FANCM: variants seen among roughly 807,000 people sequenced by gnomAD.
FANCM encodes FA complementation group M.
Under a neutral mutation model 199.5 loss-of-function variants are expected in FANCM, and 140 were observed. That is an observed-to-expected ratio of 0.70 (90% confidence interval 0.61 to 0.81). FANCM has a LOEUF of 0.81. Among genes scored for constraint, FANCM ranks in the 30% least tolerant of loss-of-function variants. The pLI is 0.00. For synonymous variants in FANCM, 840 were observed against 836.8 expected (o/e 1.00, Z -0.07); for missense variants, 2,410 against 2,421.4 (o/e 1.00, Z 0.10).
At position 45,154,775 on chromosome 14, in the gene FANCM, C is replaced by G; in HGVS notation, c.1262C>G (p.Ala421Gly). 1 of 1,603,486 alleles carries G rather than the reference C, an allele frequency of 6.2e-7. No individual in the cohort carries two copies. The highest frequency in any genetic ancestry group is 1.1e-5 in the South Asian group (1 of 90,256). Reference protein sequence around the residue: ...KLYNHLECMFARTRSTSANGI... With the variant: ...KLYNHLECMFGRTRSTSANGI... ...TATAATCATCTAGAGTGTATGTTTGCACGTACACGTAGTACTTCAGCAAAT... is the reference window on the plus strand; with the variant it reads ...TATAATCATCTAGAGTGTATGTTTGGACGTACACGTAGTACTTCAGCAAAT... Residue 421 changes from alanine to glycine, a missense_variant, in exon 7 of 23, where the codon GCA becomes GGA. By Grantham distance (60) the Ala-to-Gly change is moderately conservative. Transcript: ENST00000267430.
chr14:45,137,391 T>C, intron 2 of FANCM, 150 bp downstream of exon 2: 1 of 653,046 alleles, frequency 1.5e-6, no homozygotes, highest in East Asian at 2.7e-5. Flanking sequence ...ATAAAGAATA[T>C]CTGTACTTTC....
At chr14:45,194,812 CTTTT>C (rs893058010) in intron 20 of FANCM, among the ~76,000 whole-genome samples, 2 of 135,694 alleles carry the variant, frequency 1.5e-5, no homozygotes, top group Non-Finnish European at 3.2e-5. Context: ...TAGGTTGTGC[CTTTT>C]TTTTTTTTTT....
At chr14:45,178,613 T>C (rs1888862171) in intron 14 of FANCM, among the ~76,000 whole-genome samples, 1 of 152,224 alleles carries the variant, frequency 6.6e-6, no homozygotes, top group South Asian at 2.1e-4. Flanking sequence ...TTGGTTACTA[T>C]AGCCGAGTCC....
chr14:45,143,687 A>C lies in FANCM; in HGVS notation c.759+2978A>C, dbSNP rs1169072026. The stretch of plus-strand genomic sequence containing the variant: ...TCTGAACGGTCTTCCATATTGAGTA[A>C]GGATTTTTTTTTTTTTTTTTTTTTG... On this transcript the variant is annotated intron_variant, in intron 3 of 22. Coordinates refer to ENST00000267430, the MANE Select transcript of FANCM (RefSeq NM_020937.4). Among the ~76,000 whole-genome samples the C allele has an allele frequency of 1.4e-5, 2 of 147,324 alleles. 1 individual carries two copies. Among genetic ancestry groups the C allele is most frequent in the South Asian group, 4.2e-4 (2 of 4,770 alleles).
chr14:45,147,724 C>T (rs1391877046), intron 3 of FANCM, among the ~76,000 whole-genome samples: 2 of 151,604 alleles, frequency 1.3e-5, no homozygotes, highest in Non-Finnish European at 2.9e-5. Context: ...GAAACCCCAT[C>T]TGTACCCAAA....
intron 20 of FANCM, among the ~76,000 whole-genome samples, chr14:45,193,572 A>G (rs1459659096): frequency 6.6e-6 from 1 of 152,236 alleles, no homozygotes; most frequent in East Asian, 1.9e-4. Context: ...TTAATGATAT[A>G]AAAGTCCAGC....
chr14:45,176,812 TAAGAA>T lies in FANCM; in HGVS notation c.4060_4064del (p.Arg1354GlyfsTer4). ...AACACATTGAACTCATTTTCTAAGATAAGAAAGGAAATACTTAAGACACCAGATTC... is the reference window on the plus strand; with the variant it reads ...AACACATTGAACTCATTTTCTAAGATAGGAAATACTTAAGACACCAGATTC... On this transcript the variant is annotated frameshift_variant, in exon 14 of 23. Transcript: ENST00000267430. LOFTEE classifies it high-confidence loss of function. The T allele has an allele frequency of 8.1e-6, 13 of 1,606,796 alleles. No homozygotes were observed. Among genetic ancestry groups the T allele is most frequent in the Non-Finnish European group, 1.1e-5 (13 of 1,176,602 alleles).
At chr14:45,177,514 C>A (rs1254009315) in intron 14 of FANCM, among the ~76,000 whole-genome samples, 1 of 152,080 alleles carries the variant, frequency 6.6e-6, no homozygotes, top group African/African-American at 2.4e-5. Context: ...GCCTCAGCCT[C>A]CCAAGTAGCT....
In FANCM at chr14:45,176,799, T is replaced by C; in HGVS notation, c.4045T>C (p.Ser1349Pro). 2 of 1,607,016 alleles carry C rather than the reference T, an allele frequency of 1.2e-6. No individual in the cohort carries two copies. Among genetic ancestry groups the C allele is most frequent in the Non-Finnish European group, 8.5e-7 (1 of 1,176,748 alleles). ...ACTCTCTAAATCAAACACATTGAAC[T>C]CATTTTCTAAGATAAGAAAGGAAAT... ...TPLSKSNTLNSFSKIRKEILK... is the reference protein window; with the variant it reads ...TPLSKSNTLNPFSKIRKEILK... The change falls in exon 14 of 23, where the codon TCA becomes CCA. Residue 1349 changes from serine (S) to proline (P), a missense_variant. Physicochemically the swap from Ser to Pro is moderately conservative, Grantham distance 74. Coordinates refer to ENST00000267430, the MANE Select transcript of FANCM (RefSeq NM_020937.4).
At chr14:45,164,663 C>G (rs1887840819) in intron 10 of FANCM, 98 bp downstream of exon 10, 1 of 947,236 alleles carries the variant, frequency 1.1e-6, no homozygotes, top group African/African-American at 1.6e-5. Context: ...TCCAAACACT[C>G]TGTAGATAGT....
chr14:45,195,989 C>T (rs1890033245), intron 20 of FANCM, among the ~76,000 whole-genome samples, 183 bp from the exon 21 acceptor site: 1 of 151,914 alleles, frequency 6.6e-6, no homozygotes, highest in African/African-American at 2.4e-5. Flanking sequence ...TTAATTATAG[C>T]TTTAGAATTT....
At chr14:45,141,113 C>T (rs531912726) in intron 3 of FANCM, among the ~76,000 whole-genome samples, 35 of 151,864 alleles carry the variant, frequency 2.3e-4, no homozygotes, top group African/African-American at 8.2e-4. Context: ...ACGGTGAAAC[C>T]CGGTGTCTAC....
chr14:45,175,573 A>C lies in FANCM; in HGVS notation c.2819A>C (p.Asn940Thr). Reference protein sequence around the residue: ...TNKSTSSLAGNVLDSGYNSFN... With the variant: ...TNKSTSSLAGTVLDSGYNSFN... The stretch of plus-strand genomic sequence containing the variant: ...AAATCCACTAGTTCACTTGCTGGAA[A>C]TGTTTTAGATTCTGGTTATAACAGT... The change falls in exon 14 of 23, where the codon AAT becomes ACT. Residue 940 changes from asparagine (N) to threonine (T), a missense_variant. By Grantham distance (65) the Asn-to-Thr change is moderately conservative. Transcript: ENST00000267430. The C allele has an allele frequency of 6.2e-7, 1 of 1,613,636 alleles. No homozygotes were observed. Among genetic ancestry groups the C allele is most frequent in the Non-Finnish European group, 8.5e-7 (1 of 1,179,696 alleles).
rs1222792971 is a variant in FANCM at position 45,159,207 on chromosome 14, T to A, written c.1508T>A (p.Ile503Asn). Residue 503 changes from isoleucine to asparagine, a missense_variant, in exon 9 of 23, where the codon ATT becomes AAT. Transcript: ENST00000267430. ...ATGCTTTCACAGCATCAGCCAATTA[T>A]TAGAGTAATGACTTTTGTCGGCCAT... ...AEMLSQHQPI[I>N]RVMTFVGHAS... The A allele has an allele frequency of 6.2e-7, 1 of 1,613,882 alleles. No individual in the cohort carries two copies.
chr14:45,195,960 T>C (rs1192059697), intron 20 of FANCM, among the ~76,000 whole-genome samples: 1 of 152,194 alleles, frequency 6.6e-6, no homozygotes, highest in Non-Finnish European at 1.5e-5. Flanking sequence ...TTACATCCTT[T>C]TGTTCTTAGC....
In FANCM at chr14:45,199,891, G is replaced by GT; in HGVS notation, c.6031dup (p.Tyr2011LeufsTer10). 1 of 1,611,472 alleles carries GT rather than the reference G, an allele frequency of 6.2e-7. No individual in the cohort carries two copies. Among genetic ancestry groups the GT allele is most frequent in the Non-Finnish European group, 8.5e-7 (1 of 1,178,026 alleles). On this transcript the variant is annotated frameshift_variant, in exon 23 of 23. Coordinates refer to ENST00000267430, the MANE Select transcript of FANCM (RefSeq NM_020937.4). LOFTEE classifies it high-confidence loss of function. ...TCAGCTCACTTCAAGAAATCTCCAT[G>GT]TATGCACAAGTAACTCATCAGAAGG...
chr14:45,193,247 A>G (rs1594820021), intron 20 of FANCM, among the ~76,000 whole-genome samples: 2 of 152,200 alleles, frequency 1.3e-5, no homozygotes, highest in East Asian at 3.9e-4. Flanking sequence ...AAGCCTAGAC[A>G]ATTAGAGGTC....
chr14:45,146,537 C>G (rs1238297324), intron 3 of FANCM, among the ~76,000 whole-genome samples: 1 of 151,810 alleles, frequency 6.6e-6, no homozygotes, highest in Non-Finnish European at 1.5e-5. Flanking sequence ...TCTCCCTGAC[C>G]TCGTTTAAAC....
chr14:45,136,749 G>T (rs1312935374), intron 1 of FANCM, among the ~76,000 whole-genome samples: 4 of 152,184 alleles, frequency 2.6e-5, no homozygotes, highest in Non-Finnish European at 1.5e-5. Flanking sequence ...TATTATGTGC[G>T]TATACCCCAT....
Sources: gnomAD v4.1 joint callset for allele counts (sites outside exome capture counted in the v4.1 genomes callset) on GRCh38, gnomAD v4.1.1 for gene constraint, MANE v1.5 for transcripts, NCBI Gene and HGNC (gene_info 2026-07-23, HGNC 2026-07-21) for gene names.